PCDH11X: variants seen among roughly 807,000 people sequenced by gnomAD.
PCDH11X encodes protocadherin 11 X-linked.
In PCDH11X, 18 loss-of-function variants were observed where a neutral mutation model predicts 53.3. That is an observed-to-expected ratio of 0.34 (90% CI 0.23 to 0.50). PCDH11X has a LOEUF of 0.50. Among genes scored for constraint, PCDH11X ranks in the 20% least tolerant of loss-of-function variants. The probability of loss-of-function intolerance (pLI) is 0.98; values close to 1 mark genes in which losing one functional copy is unlikely to be tolerated. For synonymous variants in PCDH11X, 279 were observed against 393.3 expected, an observed-to-expected ratio of 0.71 and a Z score of 3.44; for missense variants, 570 against 1,032.4, an observed-to-expected ratio of 0.55 and a Z score of 6.14.
intron 10 of PCDH11X, among the ~76,000 whole-genome samples, chrX:92,528,482 G>C (rs1215032755): frequency 9.0e-6 from 1 of 110,547 alleles, no homozygotes; most frequent in Non-Finnish European, 1.9e-5. Context: ...TAGTAGAGAG[G>C]GGGTTTCTGC....
At chrX:92,109,896 T>C (rs1447027909) in intron 6 of PCDH11X, among the ~76,000 whole-genome samples, 1 of 112,458 alleles carries the variant, frequency 8.9e-6, no homozygotes, top group Non-Finnish European at 1.9e-5. Context: ...TCTTTCACTA[T>C]CATAATATCC....
At chrX:92,593,189 A>G (rs1234642071) in intron 10 of PCDH11X, among the ~76,000 whole-genome samples, 1 of 110,938 alleles carries the variant, frequency 9.0e-6, no homozygotes, top group Non-Finnish European at 1.9e-5. Context: ...CTTTAAGGTA[A>G]TAAACGGCTT....
At chrX:92,081,254 T>TC (rs2063851655) in intron 6 of PCDH11X, among the ~76,000 whole-genome samples, 1 of 109,532 alleles carries the variant, frequency 9.1e-6, no homozygotes, top group African/African-American at 3.3e-5. Context: ...TACTGAAGAG[T>TC]CCCCCTCATA....
At chrX:91,977,319 C>T (rs35254833) in intron 6 of PCDH11X, among the ~76,000 whole-genome samples, 3 of 111,770 alleles carry the variant, frequency 2.7e-5, no homozygotes, top group African/African-American at 6.5e-5. Flanking sequence ...ATTCAGCCAC[C>T]GTCAGCCTTA....
chrX:92,397,926 G>T (rs1336501016), intron 9 of PCDH11X, among the ~76,000 whole-genome samples: 1 of 111,428 alleles, frequency 9.0e-6, no homozygotes, highest in East Asian at 2.8e-4. Context: ...CAGAAGAACA[G>T]GATACATTGA....
In PCDH11X at chrX:92,177,393, A is replaced by C. The variant is rs1482176083; in HGVS notation, c.3034-23982A>C. 2.7e-5 allele frequency among the ~76,000 whole-genome samples: 3 copies of C among 111,678 alleles called. No individual in the cohort carries two copies. In the Admixed American group the frequency reaches 2.9e-4, roughly 11 times the overall value. ...CTAGCCATTAGAGAGTGGAGGTTAA[A>C]AGCTCAGCAAATAGTGATGTATTCT... On this transcript the variant is annotated intron_variant, in intron 6 of 10. Coordinates refer to ENST00000682573, the MANE Select transcript of PCDH11X (RefSeq NM_032968.5).
chrX:92,484,118 AG>A (rs2073567098), intron 10 of PCDH11X, among the ~76,000 whole-genome samples: 3 of 71,845 alleles, frequency 4.2e-5, no homozygotes, highest in East Asian at 1.6e-3. Flanking sequence ...GTATATATAT[AG>A]TATATATATG....
intron 8 of PCDH11X, among the ~76,000 whole-genome samples, chrX:92,354,295 C>T (rs113445738): frequency 0.14 from 14,324 of 102,038 alleles, 966 homozygotes; most frequent in African/African-American, 0.21. Flanking sequence ...ACAACTGAAA[C>T]GATAATTTTC....
chrX:92,281,337 ATT>A (rs1043673002), intron 8 of PCDH11X, among the ~76,000 whole-genome samples: 23 of 112,197 alleles, frequency 2.0e-4, no homozygotes, highest in African/African-American at 7.4e-4. Flanking sequence ...AAAGGCAAGC[ATT>A]CAGAAAGTTG....
intron 7 of PCDH11X, 46 bp from the exon 8 acceptor site, chrX:92,263,068 T>C (rs778103072): frequency 7.0e-6 from 8 of 1,149,963 alleles, no homozygotes; most frequent in Non-Finnish European, 9.3e-6. Context: ...TTTGTTTTTG[T>C]TTTATTTTCC....
intron 6 of PCDH11X, among the ~76,000 whole-genome samples, chrX:92,156,701 C>A (rs2065542826): frequency 1.8e-5 from 2 of 111,942 alleles, no homozygotes; most frequent in Non-Finnish European, 3.8e-5. Context: ...ACAATTCTAG[C>A]ATATTAGAGT....
At chrX:92,616,878 A>ATC (rs1173779294) in intron 10 of PCDH11X, among the ~76,000 whole-genome samples, 1 of 111,360 alleles carries the variant, frequency 9.0e-6, no homozygotes, top group Non-Finnish European at 1.9e-5. Context: ...AACATGGTGT[A>ATC]TCTCTCCATT....
intron 6 of PCDH11X, among the ~76,000 whole-genome samples, chrX:92,055,493 G>A (rs1186490567): frequency 9.1e-5 from 9 of 98,964 alleles, no homozygotes; most frequent in Admixed American, 4.6e-4. Flanking sequence ...ATCATATTTC[G>A]TTGCTATATA....
chrX:91,847,438 T>C (rs748018482), intron 5 of PCDH11X, among the ~76,000 whole-genome samples: 2 of 111,457 alleles, frequency 1.8e-5, no homozygotes, highest in South Asian at 7.6e-4. Flanking sequence ...CAAATTAAGA[T>C]TAAACAGGGA....
At chrX:92,609,593 C>A (rs1927153949) in intron 10 of PCDH11X, among the ~76,000 whole-genome samples, 1 of 111,219 alleles carries the variant, frequency 9.0e-6, no homozygotes, top group Non-Finnish European at 1.9e-5. Context: ...TTGAGTTCTT[C>A]ATTTTCTTAT....
At chrX:91,924,617 G>T (rs1202660756) in intron 6 of PCDH11X, among the ~76,000 whole-genome samples, 2 of 111,553 alleles carry the variant, frequency 1.8e-5, no homozygotes, top group Non-Finnish European at 3.8e-5. Flanking sequence ...TTTATCTCTT[G>T]GCTAATTTTT....
At chrX:91,907,370 AACAC>A (rs777259208) in intron 6 of PCDH11X, among the ~76,000 whole-genome samples, 20 of 36,146 alleles carry the variant, frequency 5.5e-4, no homozygotes, top group Non-Finnish European at 8.3e-4. Context: ...CACCACCCTC[AACAC>A]ACACACACAC....
At chrX:92,506,940 G>T (rs1272213943) in intron 10 of PCDH11X, among the ~76,000 whole-genome samples, 17 of 109,716 alleles carry the variant, frequency 1.5e-4, no homozygotes, top group African/African-American at 5.0e-4. Flanking sequence ...TCAATCTTCA[G>T]AGGTTTTATG....
rs181809283 is a variant in PCDH11X, at chrX:91,997,218, G to A, written c.3033+117945G>A. On this transcript the variant is annotated intron_variant, in intron 6 of 10. Coordinates refer to ENST00000682573, the MANE Select transcript of PCDH11X (RefSeq NM_032968.5). Reference sequence around the variant, plus strand: ...TGATTTGGATGTCTTTTTTTTTCTTGTTTAATTTTTCTGGCAGGGACTTCT... The same window carrying A: ...TGATTTGGATGTCTTTTTTTTTCTTATTTAATTTTTCTGGCAGGGACTTCT... Among the ~76,000 whole-genome samples, 432 of 108,865 alleles carry A rather than the reference G, an allele frequency of 4.0e-3. 4 individuals are homozygous for A. The highest frequency in any genetic ancestry group is 0.014 in the African/African-American group (411 of 30,038). 94.5% of individuals were successfully genotyped at this position (108,865 alleles called of 115,157 possible).
Sources: gnomAD v4.1 joint callset for allele counts (sites outside exome capture counted in the v4.1 genomes callset) on GRCh38, gnomAD v4.1.1 for gene constraint, MANE v1.5 for transcripts, NCBI Gene and HGNC (gene_info 2026-07-23, HGNC 2026-07-21) for gene names.